GABPB2: variants seen among roughly 807,000 people sequenced by gnomAD.
GABPB2 encodes the protein GA-binding protein subunit beta-2.
GABPB2 carries 23 observed loss-of-function variants against 39.1 expected under a neutral mutation model. The ratio of observed to expected loss-of-function variants is 0.59; its 90% CI spans 0.42 to 0.83. The LOEUF is 0.83. Among genes scored for constraint, GABPB2 ranks in the 40% least tolerant of loss-of-function variants. GABPB2 has a pLI of 0.00. For synonymous variants in GABPB2, 184 were observed against 199.3 expected (o/e 0.92, Z 0.65); for missense variants, 467 against 541.1 (o/e 0.86, Z 1.36).
chr1:151,106,503 A>C (rs923448438), intron 6 of GABPB2, among the ~76,000 whole-genome samples: 1 of 151,124 alleles, frequency 6.6e-6, no homozygotes, highest in African/African-American at 2.4e-5. Flanking sequence ...ATGCCTGACT[A>C]ATTTTTGTAC....
At chr1:151,085,225 CCT>C (rs1347671886) in intron 1 of GABPB2, among the ~76,000 whole-genome samples, 1 of 149,418 alleles carries the variant, frequency 6.7e-6, no homozygotes, top group Non-Finnish European at 1.5e-5. Flanking sequence ...TGGCAAAACC[CCT>C]CTCTACTAAA....
rs1422652019 is a variant in GABPB2, at chr1:151,118,022, C to T, written c.1113C>T (p.Tyr371=). ...AGGCCAATCGAAGAGCCCAGGAATA[C>T]CGACACCAGCTCCTAAAGAAAGAGC... ...LQEANRRAQE[Y]RHQLLKKEQE... Residue 371 remains tyrosine (Y), a synonymous_variant, in exon 9 of 9, where the codon TAC becomes TAT. Coordinates refer to ENST00000368918, the MANE Select transcript of GABPB2 (RefSeq NM_144618.3). 1 of 1,614,162 alleles carries T rather than the reference C, an allele frequency of 6.2e-7. No individual in the cohort carries two copies. The highest frequency in any genetic ancestry group is 1.1e-5 in the South Asian group (1 of 91,080).
At chr1:151,102,530 C>T (rs1299704591) in intron 5 of GABPB2, among the ~76,000 whole-genome samples, 1 of 151,990 alleles carries the variant, frequency 6.6e-6, no homozygotes, top group Non-Finnish European at 1.5e-5. Flanking sequence ...GCAATCTCCA[C>T]TTCCTAAGTT....
chr1:151,083,518 G>A (rs995527501), intron 1 of GABPB2, among the ~76,000 whole-genome samples: 5 of 151,950 alleles, frequency 3.3e-5, no homozygotes, highest in South Asian at 2.1e-4. Flanking sequence ...CCTGTAATCC[G>A]AGCTACTCGG....
Position 151,093,340 on chromosome 1 carries a change from A to G in GABPB2, c.425A>G (p.Asp142Gly), listed in dbSNP as rs1344054379. 1 of 1,609,404 alleles carries G rather than the reference A, an allele frequency of 6.2e-7. No individual in the cohort carries two copies. Among genetic ancestry groups the G allele is most frequent in the South Asian group, 1.1e-5 (1 of 89,962 alleles). Residue 142 changes from aspartate to glycine, a missense_variant, in exon 4 of 9, where the codon GAC (aspartate) becomes GGC (glycine). By Grantham distance (94) the Asp-to-Gly change is moderately conservative. Coordinates refer to ENST00000368918, the MANE Select transcript of GABPB2 (RefSeq NM_144618.3). The part of the protein sequence containing the change: ...AFSKFDKSAF[D>G]IALEKNNAEI... ...AGCAAATTTGATAAATCAGCCTTTG[A>G]CATAGCTCTGGAGAAAAACAATGCT...
rs2101582389 is a variant in GABPB2, at chr1:151,119,881, A to G, written c.*1625A>G. 6.6e-6 allele frequency: 1 copy of G among 151,584 alleles called. No homozygotes were observed. The highest frequency in any genetic ancestry group is 2.0e-4 in the East Asian group (1 of 5,126). The allele number at this position is 151,584 out of a possible 1,614,324, so 9.4% of individuals were successfully genotyped here. Reference sequence around the variant, plus strand: ...GGTTGCAGTGAGCTGAGATCGCACCATTACACTCCAGCCTGGGCAACAGAG... The same window carrying G: ...GGTTGCAGTGAGCTGAGATCGCACCGTTACACTCCAGCCTGGGCAACAGAG... On this transcript the variant is annotated 3_prime_UTR_variant, in exon 9 of 9. Transcript: ENST00000368918.
intron 1 of GABPB2, among the ~76,000 whole-genome samples, chr1:151,085,783 G>A (rs587697842): frequency 3.3e-5 from 5 of 152,214 alleles, no homozygotes; most frequent in South Asian, 4.1e-4. Context: ...TAACTTAATC[G>A]TGTAGTGCTT....
rs1274492847 is a variant in GABPB2 at position 151,122,748 on chromosome 1, A to G, written c.*4492A>G. 6.6e-6 allele frequency: 1 copy of G among 151,348 alleles called. No homozygotes were observed. The highest frequency in any genetic ancestry group is 1.5e-5 in the Non-Finnish European group (1 of 67,886). The allele number at this position is 151,348 out of a possible 1,614,324, so 9.4% of individuals were successfully genotyped here. On this transcript the variant is annotated 3_prime_UTR_variant, in exon 9 of 9. Transcript: ENST00000368918. ...TCTTTCTGCAGAAGCTATCATTCCTACCTCCCCAACCCCCAAAATCTCTAA... is the reference window on the plus strand; with the variant it reads ...TCTTTCTGCAGAAGCTATCATTCCTGCCTCCCCAACCCCCAAAATCTCTAA...
At chr1:151,111,767 C>G (rs987774008) in intron 7 of GABPB2, 3 of 150,704 alleles carry the variant, frequency 2.0e-5, no homozygotes, top group African/African-American at 7.3e-5. Context: ...AACTCCTGAC[C>G]TTGTGACCCA....
intron 7 of GABPB2, among the ~76,000 whole-genome samples, chr1:151,112,972 T>C (rs937925398): frequency 5.4e-5 from 8 of 148,758 alleles, no homozygotes; most frequent in African/African-American, 2.0e-4. Flanking sequence ...AGAGACAGGG[T>C]TTCACCATGT....
chr1:151,099,300 C>T (rs910818792), intron 5 of GABPB2, among the ~76,000 whole-genome samples: 3 of 151,880 alleles, frequency 2.0e-5, no homozygotes, highest in African/African-American at 4.8e-5. Context: ...CGGGTTCAAG[C>T]GATTCTCCTG....
chr1:151,105,786 T>C (rs781223484), intron 6 of GABPB2, among the ~76,000 whole-genome samples: 4 of 152,290 alleles, frequency 2.6e-5, no homozygotes, highest in African/African-American at 9.6e-5. Flanking sequence ...ATTATGGGCG[T>C]GAGCCACCAT....
At chr1:151,078,998 G>A (rs747820644) in intron 1 of GABPB2, among the ~76,000 whole-genome samples, 1 of 151,994 alleles carries the variant, frequency 6.6e-6, no homozygotes, top group Non-Finnish European at 1.5e-5. Flanking sequence ...TAAGATGGAT[G>A]CTTCAGGTTA....
Position 151,122,189 on chromosome 1 carries a change from C to T in GABPB2, c.*3933C>T, listed in dbSNP as rs900785286. ...CAAAAATATCAGTTTGGAAATTAACCTTGGCTACTGGCCACCTTAGCTAGG... is the reference window on the plus strand; with the variant it reads ...CAAAAATATCAGTTTGGAAATTAACTTTGGCTACTGGCCACCTTAGCTAGG... On this transcript the variant is annotated 3_prime_UTR_variant, in exon 9 of 9. Coordinates refer to ENST00000368918, the MANE Select transcript of GABPB2 (RefSeq NM_144618.3). 2 of 152,082 alleles carry T rather than the reference C, an allele frequency of 1.3e-5. No homozygotes were observed. The highest frequency in any genetic ancestry group is 4.8e-5 in the African/African-American group (2 of 41,390). The allele number at this position is 152,082 out of a possible 1,614,324, so 9.4% of individuals were successfully genotyped here. A position where few individuals can be genotyped will look rare whatever the true frequency, so the allele number is the denominator to read the frequency against.
intron 1 of GABPB2, among the ~76,000 whole-genome samples, chr1:151,079,150 A>G (rs1023188726): frequency 2.0e-5 from 3 of 152,202 alleles, no homozygotes; most frequent in African/African-American, 7.2e-5. Flanking sequence ...ATAGTAAGAA[A>G]TAGGGCTTTA....
chr1:151,098,658 G>A (rs966659174), intron 5 of GABPB2, among the ~76,000 whole-genome samples: 1 of 151,984 alleles, frequency 6.6e-6, no homozygotes, highest in Non-Finnish European at 1.5e-5. Flanking sequence ...AAACATAAGC[G>A]GCTTTTGGAG....
intron 1 of GABPB2, among the ~76,000 whole-genome samples, chr1:151,071,394 A>G (rs1463180445): frequency 2.6e-5 from 4 of 151,116 alleles, no homozygotes; most frequent in Non-Finnish European, 4.4e-5. Context: ...CTGAAAGATT[A>G]CTAGTGAACT....
chr1:151,117,794 A>G (rs1680993145), intron 8 of GABPB2, among the ~76,000 whole-genome samples, 163 bp from the exon 9 acceptor site: 1 of 152,086 alleles, frequency 6.6e-6, no homozygotes, highest in African/African-American at 2.4e-5. Context: ...ATGTTGGCCA[A>G]GTTGGTCTCG....
chr1:151,093,256 G>C lies in GABPB2; in HGVS notation c.341G>C (p.Arg114Pro). 6.2e-7 allele frequency: 1 copy of C among 1,611,516 alleles called. No individual in the cohort carries two copies. The highest frequency in any genetic ancestry group is 8.5e-7 in the Non-Finnish European group (1 of 1,179,106). The change falls in exon 4 of 9, where the codon CGC becomes CCC. Residue 114 changes from arginine (R) to proline (P), a missense_variant. Physicochemically the swap from Arg to Pro is moderately radical, Grantham distance 103. Coordinates refer to ENST00000368918, the MANE Select transcript of GABPB2 (RefSeq NM_144618.3). ...KMTALHWATE[R>P]HHRDVVELLI... ...ACAGCTTTGCATTGGGCCACAGAGC[G>C]CCACCATCGAGATGTCGTAGAGTTA...
Sources: allele counts gnomAD v4.1 joint callset (sites outside exome capture counted in the v4.1 genomes callset), GRCh38; gene constraint gnomAD v4.1.1; transcripts MANE v1.5; gene names NCBI Gene and HGNC (gene_info 2026-07-23, HGNC 2026-07-21).